DDX31: variants seen among roughly 807,000 people sequenced by gnomAD.
DDX31 encodes the protein DEAD-box helicase 31, also known as ATP-dependent DNA helicase DDX31.
DDX31 carries 70 observed loss-of-function variants against 91.3 expected under a neutral mutation model. The observed-to-expected ratio is 0.77, with a 90% CI of 0.63 to 0.94. The LOEUF is 0.94. Ranked by LOEUF, DDX31 falls within the 40% of genes least tolerant of loss-of-function variation. DDX31 has a pLI of 0.00. For synonymous variants in DDX31, 362 were observed against 350.6 expected (o/e 1.03, Z -0.36); for missense variants, 902 against 925.0 (o/e 0.98, Z 0.32).
chr9:132,668,712 C>T (rs1835488674), intron 1 of DDX31, among the ~76,000 whole-genome samples: 1 of 152,018 alleles, frequency 6.6e-6, no homozygotes, highest in Non-Finnish European at 1.5e-5. Context: ...GGACTACAGG[C>T]GCCCACCACC....
intron 14 of DDX31, among the ~76,000 whole-genome samples, chr9:132,634,596 T>TG (rs1194033184): frequency 1.3e-5 from 2 of 150,204 alleles, no homozygotes; most frequent in Non-Finnish European, 3.0e-5. Context: ...TTTTTTTTTT[T>TG]TTTTTTTTTT....
intron 17 of DDX31, among the ~76,000 whole-genome samples, chr9:132,618,830 A>ACG (rs1349032985): frequency 6.6e-6 from 1 of 152,164 alleles, no homozygotes; most frequent in Non-Finnish European, 1.5e-5. Context: ...CCTTTCCCTC[A>ACG]CGCGCATCAG....
intron 16 of DDX31, 79 bp downstream of exon 16, chr9:132,630,185 A>G: frequency 1.4e-6 from 2 of 1,452,102 alleles, no homozygotes; most frequent in East Asian, 2.3e-5. Flanking sequence ...GTCAGCTTAC[A>G]AGGCCCATTC....
At chr9:132,642,371 A>C (rs1234975285) in intron 13 of DDX31, among the ~76,000 whole-genome samples, 1 of 152,240 alleles carries the variant, frequency 6.6e-6, no homozygotes, top group Non-Finnish European at 1.5e-5. Context: ...AAGTTACTGC[A>C]TGCAGGGCTT....
At chr9:132,620,805 G>C (rs979538582) in intron 17 of DDX31, among the ~76,000 whole-genome samples, 8 of 151,682 alleles carry the variant, frequency 5.3e-5, no homozygotes, top group Non-Finnish European at 7.4e-5. Flanking sequence ...AACCCCTGAG[G>C]GCACATGGAT....
Position 132,596,121 on chromosome 9 carries a change from T to C in DDX31, c.1995-1009A>G, listed in dbSNP as rs569026997. Among the ~76,000 whole-genome samples the C allele has an allele frequency of 4.3e-4, 65 of 152,360 alleles. 2 individuals carry two copies. The highest frequency in any genetic ancestry group is 3.6e-3 in the Admixed American group (55 of 15,302). ...GTCATGGAGTTCTCACAAAGACATA[T>C]GTTACGTTCTGCTACTACATTTAGA... On this transcript the variant is annotated intron_variant, in intron 19 of 19. Coordinates refer to ENST00000372159, the MANE Select transcript of DDX31 (RefSeq NM_022779.9).
At chr9:132,606,499 T>C (rs1310103321) in intron 19 of DDX31, among the ~76,000 whole-genome samples, 5 of 152,140 alleles carry the variant, frequency 3.3e-5, no homozygotes, top group African/African-American at 1.2e-4. Context: ...CTCGCGACAA[T>C]GATGGAGGCT....
At chr9:132,608,799 T>C (rs921148869) in intron 19 of DDX31, among the ~76,000 whole-genome samples, 1 of 152,216 alleles carries the variant, frequency 6.6e-6, no homozygotes, top group African/African-American at 2.4e-5. Context: ...GACCACAGCA[T>C]AACTCAAGCA....
chr9:132,597,026 G>C (rs534851527), intron 19 of DDX31, among the ~76,000 whole-genome samples: 2 of 152,222 alleles, frequency 1.3e-5, no homozygotes, highest in East Asian at 3.9e-4. Flanking sequence ...GACATATAAG[G>C]GGGTAGCTGG....
At chr9:132,606,934 C>G (rs1040130187) in intron 19 of DDX31, among the ~76,000 whole-genome samples, 1 of 152,180 alleles carries the variant, frequency 6.6e-6, no homozygotes, top group South Asian at 2.1e-4. Flanking sequence ...GAGAACAACA[C>G]AGCACAGGCC....
chr9:132,611,980 G>A (rs1199467944), intron 19 of DDX31, 107 bp downstream of exon 19: 1 of 1,409,470 alleles, frequency 7.1e-7, no homozygotes, highest in Non-Finnish European at 9.6e-7. Flanking sequence ...TGGGAGAAGG[G>A]CAGGTATGAG....
intron 19 of DDX31, among the ~76,000 whole-genome samples, chr9:132,600,230 C>T (rs1830653504): frequency 6.6e-6 from 1 of 152,220 alleles, no homozygotes; most frequent in Non-Finnish European, 1.5e-5. Flanking sequence ...GGGTTCTGTT[C>T]TGGTAGAGAA....
At chr9:132,597,482 T>C (rs1417488615) in intron 19 of DDX31, among the ~76,000 whole-genome samples, 1 of 152,226 alleles carries the variant, frequency 6.6e-6, no homozygotes. Flanking sequence ...ATTTTAAATG[T>C]AACAACCTAA....
chr9:132,656,111 T>C (rs1020064592), intron 6 of DDX31, among the ~76,000 whole-genome samples: 8 of 151,866 alleles, frequency 5.3e-5, no homozygotes, highest in African/African-American at 1.9e-4. Context: ...AAAAAAAAAA[T>C]CAGAGCCAAA....
intron 14 of DDX31, chr9:132,638,309 T>C: frequency 1.9e-6 from 3 of 1,613,872 alleles, no homozygotes; most frequent in Admixed American, 1.7e-5. Flanking sequence ...CTCGTCAACA[T>C]AATGATGGTA....
At chr9:132,630,987 G>A (rs1322333419) in intron 15 of DDX31, among the ~76,000 whole-genome samples, 1 of 152,218 alleles carries the variant, frequency 6.6e-6, no homozygotes, top group East Asian at 1.9e-4. Flanking sequence ...TACAGAATGC[G>A]GGCAGGTGAG....
chr9:132,622,987 C>T lies in DDX31; in HGVS notation c.1713+2677G>A, dbSNP rs150559838. Among the ~76,000 whole-genome samples the T allele has an allele frequency of 1.4e-3, 214 of 151,914 alleles. 1 individual carries two copies. The highest frequency in any genetic ancestry group is 4.6e-3 in the African/African-American group (190 of 41,438). On this transcript the variant is annotated intron_variant, in intron 17 of 19. Coordinates refer to ENST00000372159, the MANE Select transcript of DDX31 (RefSeq NM_022779.9). ...CTCTACTAAAAATACAAAAGTTAGC[C>T]GGGCATGGTGGTGTGTGTCTGTAAT...
chr9:132,663,152 C>A (rs1564342253), intron 1 of DDX31: 9 of 1,285,198 alleles, frequency 7.0e-6, no homozygotes, highest in Non-Finnish European at 9.1e-6. Flanking sequence ...CACTGGAGAC[C>A]GCACAGGAGA....
At chr9:132,664,102 C>T (rs1027446243) in intron 1 of DDX31, among the ~76,000 whole-genome samples, 2 of 152,198 alleles carry the variant, frequency 1.3e-5, no homozygotes, top group African/African-American at 2.4e-5. Flanking sequence ...CTGTTCATGA[C>T]CCATTCTAGG....
Sources: gnomAD v4.1 joint callset for allele counts (sites outside exome capture counted in the v4.1 genomes callset) on GRCh38, gnomAD v4.1.1 for gene constraint, MANE v1.5 for transcripts, NCBI Gene and HGNC (gene_info 2026-07-23, HGNC 2026-07-21) for gene names.